The following ZNF141 variants were observed in gnomAD, a reference collection of about 807,000 sequenced individuals.
The protein encoded by ZNF141 is zinc finger protein 141 (clone pHZ-44).
In ZNF141, 7 loss-of-function variants were observed where a neutral mutation model predicts 11.3. That is an observed-to-expected ratio of 0.62 (90% CI 0.35 to 1.16). ZNF141 has a LOEUF of 1.16. Ranked by LOEUF, ZNF141 falls within the 50% of genes most tolerant of loss-of-function variation. ZNF141 has a pLI of 0.02. For synonymous variants in ZNF141, 183 were observed against 190.7 expected, an observed-to-expected ratio of 0.96 and a Z score of 0.33; for missense variants, 535 against 554.0, an observed-to-expected ratio of 0.97 and a Z score of 0.34.
At position 339,859 on chromosome 4, in the gene ZNF141, CTCCTG is replaced by C. The variant is rs138145698; in HGVS notation, c.3+1879_3+1883del. Among the ~76,000 whole-genome samples the C allele has an allele frequency of 4.1e-3, 628 of 152,314 alleles. 1 individual carries two copies. The highest frequency in any genetic ancestry group is 0.014 in the African/African-American group (597 of 41,564). ...ACCTGCCTTCACATATCAAATCTAC[CTCCTG>C]TCCTGAAGCTGTGGGAAGTTTATTT... On this transcript the variant is annotated intron_variant, in intron 1 of 3. Coordinates refer to ENST00000240499, the MANE Select transcript of ZNF141 (RefSeq NM_003441.4).
At chr4:370,147 G>A (rs1321641174) in intron 3 of ZNF141, among the ~76,000 whole-genome samples, 1 of 151,948 alleles carries the variant, frequency 6.6e-6, no homozygotes, top group East Asian at 1.9e-4. Flanking sequence ...CCTGAATGTT[G>A]TTATTGATGT....
In ZNF141 at chr4:376,328, TG is replaced by T. The variant is rs1342472986; in HGVS notation, c.*2469del. 2.6e-5 allele frequency among the ~76,000 whole-genome samples: 4 copies of T among 152,038 alleles called. No homozygotes were observed. The East Asian group carries it at 5.8e-4, about 22-fold the overall frequency. On this transcript the variant is annotated 3_prime_UTR_variant, in exon 4 of 4. Coordinates refer to ENST00000240499, the MANE Select transcript of ZNF141 (RefSeq NM_003441.4). ...CTCTTGTTATTTTCCGAAATTTTTG[TG>T]GGTACATAGTATGCATATTTATCTA...
rs1279210469 is a variant in ZNF141 at position 380,701 on chromosome 4, G to A, written c.*6839G>A. On this transcript the variant is annotated 3_prime_UTR_variant, in exon 4 of 4. Coordinates refer to ENST00000240499, the MANE Select transcript of ZNF141 (RefSeq NM_003441.4). ...TTTTCACAGAAAATTAATAGCATAG[G>A]TATTATTATCCTCATTTTACAGAGA... is the stretch of plus-strand genomic sequence containing the variant. Among the ~76,000 whole-genome samples, 1 of 151,876 alleles carries A rather than the reference G, an allele frequency of 6.6e-6. No individual in the cohort carries two copies. Among genetic ancestry groups the A allele is most frequent in the East Asian group, 1.9e-4 (1 of 5,188 alleles).
chr4:343,234 T>A (rs1553848787), intron 1 of ZNF141, among the ~76,000 whole-genome samples: 1 of 152,068 alleles, frequency 6.6e-6, no homozygotes, highest in Non-Finnish European at 1.5e-5. Flanking sequence ...CTGCTTGATT[T>A]TGGTAGGGGA....
chr4:345,028 C>G (rs1721254156), intron 3 of ZNF141, among the ~76,000 whole-genome samples: 1 of 152,118 alleles, frequency 6.6e-6, no homozygotes, highest in Non-Finnish European at 1.5e-5. Context: ...ACTGCTGTTC[C>G]ATTGCTTTTG....
chr4:367,023 G>A (rs1410825865), intron 3 of ZNF141, among the ~76,000 whole-genome samples: 1 of 152,164 alleles, frequency 6.6e-6, no homozygotes, highest in Non-Finnish European at 1.5e-5. Context: ...TGTGATTTAA[G>A]AAACTCAACG....
In ZNF141 at chr4:383,139, A is replaced by G. The variant is rs1241060570; in HGVS notation, c.*9277A>G. 2.9e-6 allele frequency: 2 copies of G among 701,740 alleles called. No homozygotes were observed. Among genetic ancestry groups the G allele is most frequent in the African/African-American group, 1.7e-5 (1 of 57,288 alleles). The allele number at this position is 701,740 out of a possible 1,614,324, so 43.5% of individuals were successfully genotyped here. A position where few individuals can be genotyped will look rare whatever the true frequency, so the allele number is the denominator to read the frequency against. ...CAACAAGCCCATTTTAGCTTTCTGGAGAATAGCATCTGAGAAAAGCCAAAG... is the reference window on the plus strand; with the variant it reads ...CAACAAGCCCATTTTAGCTTTCTGGGGAATAGCATCTGAGAAAAGCCAAAG... On this transcript the variant is annotated 3_prime_UTR_variant, in exon 4 of 4. Coordinates refer to ENST00000240499, the MANE Select transcript of ZNF141 (RefSeq NM_003441.4).
intron 3 of ZNF141, among the ~76,000 whole-genome samples, chr4:356,890 G>GTT (rs368457199): frequency 2.0e-5 from 3 of 147,452 alleles, no homozygotes; most frequent in Admixed American, 6.8e-5. Flanking sequence ...GCATCTACTA[G>GTT]TTTTTTTTTT....
At chr4:350,202 A>G (rs782457633) in intron 3 of ZNF141, 1 of 534,754 alleles carries the variant, frequency 1.9e-6, no homozygotes, top group Non-Finnish European at 3.8e-6. Context: ...GTCTGTAGCC[A>G]TGTCTATGGG....
rs1176863208 is a variant in ZNF141 at position 376,034 on chromosome 4, A to G, written c.*2172A>G. Among the ~76,000 whole-genome samples, 1 of 152,084 alleles carries G rather than the reference A, an allele frequency of 6.6e-6. No homozygotes were observed. Among genetic ancestry groups the G allele is most frequent in the Non-Finnish European group, 1.5e-5 (1 of 67,924 alleles). ...TTTACCAATTATACATTTATGTAAT[A>G]AGATACAGTAAATTTTAAAATTATT... On this transcript the variant is annotated 3_prime_UTR_variant, in exon 4 of 4. Transcript: ENST00000240499.
intron 3 of ZNF141, among the ~76,000 whole-genome samples, chr4:369,754 A>ATTTTTT (rs1560196750): frequency 1.1e-4 from 4 of 35,496 alleles, no homozygotes; most frequent in African/African-American, 6.0e-4. Flanking sequence ...ATATATATAT[A>ATTTTTT]TATATATATA....
Position 375,226 on chromosome 4 carries a change from G to T in ZNF141, c.*1364G>T, listed in dbSNP as rs1253407223. ...ACTTCAGAAAATATAGGCCTTTAAA[G>T]TGAAGAAGAGTATTCTTAAGACAAA... On this transcript the variant is annotated 3_prime_UTR_variant, in exon 4 of 4. Coordinates refer to ENST00000240499, the MANE Select transcript of ZNF141 (RefSeq NM_003441.4). 6.6e-6 allele frequency: 1 copy of T among 152,042 alleles called. No individual in the cohort carries two copies. Among genetic ancestry groups the T allele is most frequent in the African/African-American group, 2.4e-5 (1 of 41,410 alleles). 9.4% of individuals were successfully genotyped at this position (152,042 alleles called of 1,614,324 possible). A position where few individuals can be genotyped will look rare whatever the true frequency, so the allele number is the denominator to read the frequency against.
chr4:375,702 T>G lies in ZNF141; in HGVS notation c.*1840T>G. On this transcript the variant is annotated 3_prime_UTR_variant, in exon 4 of 4. Transcript: ENST00000240499. ...TTTTCACTTGAAAAAAGTATAGATT[T>G]TTTGAAAAGCATATAATAGTTAATT... 6.6e-6 allele frequency among the ~76,000 whole-genome samples: 1 copy of G among 152,256 alleles called. No homozygotes were observed. Among genetic ancestry groups the G allele is most frequent in the East Asian group, 1.9e-4 (1 of 5,192 alleles).
chr4:337,840 C>T lies in ZNF141; in HGVS notation c.-144C>T, dbSNP rs1019361181. 9.0e-7 allele frequency: 1 copy of T among 1,112,340 alleles called. No homozygotes were observed. The highest frequency in any genetic ancestry group is 1.8e-5 in the Admixed American group (1 of 55,496). 68.9% of individuals were successfully genotyped at this position (1,112,340 alleles called of 1,614,324 possible). A position where few individuals can be genotyped will look rare whatever the true frequency, so the allele number is the denominator to read the frequency against. On this transcript the variant is annotated 5_prime_UTR_variant, in exon 1 of 4. Coordinates refer to ENST00000240499, the MANE Select transcript of ZNF141 (RefSeq NM_003441.4). ...TCTTTGCGTCTGGCTACTACCAGAC[C>T]GCGGGTTAGGGGCTTCATCTCTCTG...
chr4:349,822 T>C (rs1721506052), intron 3 of ZNF141, among the ~76,000 whole-genome samples: 1 of 152,238 alleles, frequency 6.6e-6, no homozygotes, highest in Admixed American at 6.5e-5. Flanking sequence ...TTAATCTATA[T>C]GGCAGGCAGT....
At position 374,924 on chromosome 4, in the gene ZNF141, G is replaced by A. The variant is rs1350407360; in HGVS notation, c.*1062G>A. 6.6e-6 allele frequency: 1 copy of A among 152,032 alleles called. No individual in the cohort carries two copies. The highest frequency in any genetic ancestry group is 1.5e-5 in the Non-Finnish European group (1 of 68,004). 9.4% of individuals were successfully genotyped at this position (152,032 alleles called of 1,614,324 possible). ...TCTAAATATAAGAGAAATGATATTG[G>A]TGAGAAGCCACAAAAATATGAAAAA... On this transcript the variant is annotated 3_prime_UTR_variant, in exon 4 of 4. Transcript: ENST00000240499.
At chr4:346,249 A>G (rs1370218413) in intron 3 of ZNF141, among the ~76,000 whole-genome samples, 2 of 152,240 alleles carry the variant, frequency 1.3e-5, no homozygotes, top group Non-Finnish European at 2.9e-5. Flanking sequence ...TCATTTAACA[A>G]TGCAGTTTTT....
chr4:381,186 ATTAG>A lies in ZNF141; in HGVS notation c.*7327_*7330del, dbSNP rs1712598769. ...TTTCTTGAGTTAAATATTTGACTCT[ATTAG>A]TTTAGTTTCCTTTGTGCCTGTTTCT... On this transcript the variant is annotated 3_prime_UTR_variant, in exon 4 of 4. Transcript: ENST00000240499. Among the ~76,000 whole-genome samples, 1 of 152,186 alleles carries A rather than the reference ATTAG, an allele frequency of 6.6e-6. No homozygotes were observed. The highest frequency in any genetic ancestry group is 6.5e-5 in the Admixed American group (1 of 15,286).
Position 373,088 on chromosome 4 carries a change from TA to T in ZNF141, c.653del (p.Lys218ArgfsTer30). On this transcript the variant is annotated frameshift_variant, in exon 4 of 4. Coordinates refer to ENST00000240499, the MANE Select transcript of ZNF141 (RefSeq NM_003441.4). LOFTEE classifies it low-confidence loss of function (END_TRUNC). ...FKWSLIFNEHKRIHTGEKPFT... is the reference protein window; with the variant it reads ...FKWSLIFNEHXRIHTGEKPFT... The stretch of plus-strand genomic sequence containing the variant: ...AATGGTCTTTAATATTTAATGAACA[TA>T]AGAGAATTCATACTGGAGAGAAACC... 1 of 1,613,762 alleles carries T rather than the reference TA, an allele frequency of 6.2e-7. No homozygotes were observed. Among genetic ancestry groups the T allele is most frequent in the South Asian group, 1.1e-5 (1 of 91,074 alleles).
Sources: allele counts gnomAD v4.1 joint callset (sites outside exome capture counted in the v4.1 genomes callset), GRCh38; gene constraint gnomAD v4.1.1; transcripts MANE v1.5; gene names NCBI Gene and HGNC (gene_info 2026-07-23, HGNC 2026-07-21).